RXFP1: variants seen among roughly 807,000 people sequenced by gnomAD.
RXFP1 encodes the protein relaxin receptor 1.
Under a neutral mutation model 89.8 loss-of-function variants are expected in RXFP1, and 73 were observed. The observed-to-expected ratio is 0.81, with a 90% CI of 0.67 to 0.99. The LOEUF (loss-of-function observed/expected upper bound fraction) is 0.99, where lower values mean the gene tolerates loss of function less well. Ranked by LOEUF, RXFP1 falls within the 50% of genes least tolerant of loss-of-function variation. The probability of loss-of-function intolerance (pLI) is 0.00; values close to 1 mark genes in which losing one functional copy is unlikely to be tolerated. For synonymous variants in RXFP1, 277 were observed against 305.5 expected, an observed-to-expected ratio of 0.91 and a Z score of 0.97; for missense variants, 793 against 895.5, an observed-to-expected ratio of 0.89 and a Z score of 1.46.
chr4:158,624,607 G>A (rs949404714), intron 9 of RXFP1, among the ~76,000 whole-genome samples: 4 of 152,168 alleles, frequency 2.6e-5, no homozygotes, highest in Non-Finnish European at 4.4e-5. Flanking sequence ...AAAAACCTTC[G>A]TTAACTCCAT....
At chr4:158,633,283 G>C (rs1034640351) in intron 11 of RXFP1, 122 bp from the exon 12 acceptor site, 4 of 600,402 alleles carry the variant, frequency 6.7e-6, no homozygotes, top group Non-Finnish European at 1.2e-5. Flanking sequence ...TAGACTTCTG[G>C]TGATTAATAT....
At chr4:158,566,459 G>A (rs1459400824) in intron 1 of RXFP1, among the ~76,000 whole-genome samples, 1 of 152,136 alleles carries the variant, frequency 6.6e-6, no homozygotes, top group Non-Finnish European at 1.5e-5. Context: ...CACCTTCAGG[G>A]TTCAAGTGAT....
At chr4:158,638,262 C>G in intron 13 of RXFP1, among the ~76,000 whole-genome samples, 183 bp downstream of exon 13, 1 of 151,996 alleles carries the variant, frequency 6.6e-6, no homozygotes, top group East Asian at 1.9e-4. Context: ...ATCTTATATA[C>G]TTGTAAATTA....
intron 1 of RXFP1, among the ~76,000 whole-genome samples, chr4:158,542,727 A>T (rs995617742): frequency 6.6e-6 from 1 of 152,292 alleles, no homozygotes; most frequent in South Asian, 2.1e-4. Flanking sequence ...TTTGGCAATC[A>T]TTGCAGAGTT....
intron 2 of RXFP1, among the ~76,000 whole-genome samples, chr4:158,575,482 G>A (rs1233585993): frequency 6.6e-6 from 1 of 152,176 alleles, no homozygotes; most frequent in African/African-American, 2.4e-5. Context: ...AAGTTTATAT[G>A]TTGAAGCCCT....
chr4:158,533,939 C>T (rs551769201), intron 1 of RXFP1, among the ~76,000 whole-genome samples: 1 of 152,062 alleles, frequency 6.6e-6, no homozygotes, highest in African/African-American at 2.4e-5. Context: ...TTATTCAAAG[C>T]GTGAAAAATC....
intron 2 of RXFP1, among the ~76,000 whole-genome samples, chr4:158,589,495 A>G (rs1218493058): frequency 6.6e-6 from 1 of 152,138 alleles, no homozygotes; most frequent in Non-Finnish European, 1.5e-5. Flanking sequence ...GGCTCCAGTT[A>G]TAATAGGTTG....
At chr4:158,629,095 G>A (rs571894211) in intron 11 of RXFP1, among the ~76,000 whole-genome samples, 11 of 151,794 alleles carry the variant, frequency 7.2e-5, no homozygotes, top group African/African-American at 2.7e-4. Flanking sequence ...CTGTCTCCCA[G>A]GCTGGAGTGC....
intron 2 of RXFP1, among the ~76,000 whole-genome samples, chr4:158,577,770 T>G (rs1372583978): frequency 6.6e-6 from 1 of 152,156 alleles, no homozygotes; most frequent in Non-Finnish European, 1.5e-5. Context: ...AGTCTCTATA[T>G]TTGAACTAAT....
chr4:158,530,697 A>C (rs1743814675), intron 1 of RXFP1, among the ~76,000 whole-genome samples: 1 of 152,276 alleles, frequency 6.6e-6, no homozygotes, highest in Admixed American at 6.5e-5. Context: ...AGTTTAGCAA[A>C]GTCAAATTTA....
At chr4:158,552,680 A>G (rs2149896829) in intron 1 of RXFP1, among the ~76,000 whole-genome samples, 1 of 152,362 alleles carries the variant, frequency 6.6e-6, no homozygotes, top group African/African-American at 2.4e-5. Context: ...AGACAAATTA[A>G]TGATAGTAGA....
Position 158,614,117 on chromosome 4 carries a change from C to T in RXFP1, c.680+1755C>T, listed in dbSNP as rs147908816. Among the ~76,000 whole-genome samples the T allele has an allele frequency of 2.4e-3, 365 of 152,228 alleles. 3 individuals are homozygous for T. Among genetic ancestry groups the T allele is most frequent in the African/African-American group, 8.1e-3 (338 of 41,526 alleles). On this transcript the variant is annotated intron_variant, in intron 8 of 17. Coordinates refer to ENST00000307765, the MANE Select transcript of RXFP1 (RefSeq NM_021634.4). Reference sequence around the variant, plus strand: ...AGTGGGCTTAAAATGTTTAGTAAACCATGCTGTAAACAGATGTGCTGTCAC... The same window carrying T: ...AGTGGGCTTAAAATGTTTAGTAAACTATGCTGTAAACAGATGTGCTGTCAC...
chr4:158,599,203 G>A (rs767830396), intron 3 of RXFP1, 123 bp from the exon 4 acceptor site: 165 of 1,486,984 alleles, frequency 1.1e-4, no homozygotes, highest in Non-Finnish European at 1.3e-4. Context: ...AATTGCCTAC[G>A]TAGCACATGA....
At chr4:158,610,656 C>T (rs375472043) in intron 6 of RXFP1, 9 of 1,288,868 alleles carry the variant, frequency 7.0e-6, no homozygotes, top group Non-Finnish European at 9.1e-6. Context: ...AAGGATGGCT[C>T]TGAAAAATGA....
chr4:158,528,407 G>A (rs1743144912), intron 1 of RXFP1, among the ~76,000 whole-genome samples: 1 of 152,190 alleles, frequency 6.6e-6, no homozygotes, highest in Non-Finnish European at 1.5e-5. Context: ...TCGGGAAGCT[G>A]AGGTGGGAGG....
intron 1 of RXFP1, among the ~76,000 whole-genome samples, chr4:158,549,586 C>T (rs1453347136): frequency 7.2e-5 from 11 of 152,122 alleles, no homozygotes; most frequent in Non-Finnish European, 1.5e-4. Flanking sequence ...GTGGTTTTAT[C>T]TACTTTTGGT....
intron 1 of RXFP1, among the ~76,000 whole-genome samples, chr4:158,551,969 T>TA (rs1750248132): frequency 6.6e-6 from 1 of 152,022 alleles, no homozygotes; most frequent in South Asian, 2.1e-4. Context: ...AAGAAATTTT[T>TA]AAAAAATAAA....
At position 158,568,388 on chromosome 4, in the gene RXFP1, A is replaced by C. The variant is rs535390971; in HGVS notation, c.50-4310A>C. On this transcript the variant is annotated intron_variant, in intron 1 of 17. Transcript: ENST00000307765. Reference sequence around the variant, plus strand: ...AAAGTTATGTGGAGAAGAATATTCAAAAGAGCTGCATGAAAACACAGGCAG... The same window carrying C: ...AAAGTTATGTGGAGAAGAATATTCACAAGAGCTGCATGAAAACACAGGCAG... Among the ~76,000 whole-genome samples, 10 of 152,364 alleles carry C rather than the reference A, an allele frequency of 6.6e-5. No individual in the cohort carries two copies. The South Asian group carries it at 2.1e-3, about 32-fold the overall frequency.
chr4:158,527,346 C>T (rs1331600161), intron 1 of RXFP1, among the ~76,000 whole-genome samples: 1 of 151,514 alleles, frequency 6.6e-6, no homozygotes, highest in African/African-American at 2.4e-5. Context: ...AGTTCAAGAC[C>T]AGCCTGGCCA....
Sources: allele counts gnomAD v4.1 joint callset (sites outside exome capture counted in the v4.1 genomes callset), GRCh38; gene constraint gnomAD v4.1.1; transcripts MANE v1.5; gene names NCBI Gene and HGNC (gene_info 2026-07-23, HGNC 2026-07-21).